ARID1B: variants seen among roughly 807,000 people sequenced by gnomAD.
ARID1B encodes AT-rich interaction domain 1B.
Under a neutral mutation model 212.3 loss-of-function variants are expected in ARID1B, and 30 were observed. The observed-to-expected ratio is 0.14, with a 90% CI of 0.11 to 0.19. The LOEUF (loss-of-function observed/expected upper bound fraction) is 0.19, where lower values mean the gene tolerates loss of function less well. Among genes scored for constraint, ARID1B ranks in the 10% least tolerant of loss-of-function variants. The pLI is 1.00. For missense variants in ARID1B, 2,891 were observed against 3,204.0 expected (o/e 0.90, Z 2.36); for synonymous variants, 1,402 against 1,301.7 (o/e 1.08, Z -1.66).
chr6:156,813,333 C>T (rs535520455), intron 1 of ARID1B, among the ~76,000 whole-genome samples: 3 of 150,202 alleles, frequency 2.0e-5, no homozygotes, highest in East Asian at 2.0e-4. Context: ...AGGCTGGTCT[C>T]GAACTCCTGA....
At chr6:157,124,666 A>G (rs1329584252) in intron 6 of ARID1B, among the ~76,000 whole-genome samples, 1 of 152,218 alleles carries the variant, frequency 6.6e-6, no homozygotes, top group Admixed American at 6.5e-5. Flanking sequence ...ACTGTACATA[A>G]TAAGGGTCAA....
At position 157,195,970 on chromosome 6, in the gene ARID1B, A is replaced by T. The variant is rs576812087; in HGVS notation, c.4232-195A>T. ...CAGCTACTTGGGAGGGTGACGCAGG[A>T]GAATCGCCTGAACCCGGGAGGCAGA... On this transcript the variant is annotated intron_variant, in intron 15 of 19. Coordinates refer to ENST00000636930, the MANE Select transcript of ARID1B (RefSeq NM_001374828.1). 20 of 542,438 alleles carry T rather than the reference A, an allele frequency of 3.7e-5. 1 individual carries two copies. Among genetic ancestry groups the T allele is most frequent in the South Asian group, 3.1e-4 (13 of 41,752 alleles). The allele number at this position is 542,438 out of a possible 1,614,324, so 33.6% of individuals were successfully genotyped here. A position where few individuals can be genotyped will look rare whatever the true frequency, so the allele number is the denominator to read the frequency against.
chr6:157,043,790 C>T (rs1156235645), intron 4 of ARID1B, among the ~76,000 whole-genome samples: 2 of 152,184 alleles, frequency 1.3e-5, no homozygotes, highest in African/African-American at 4.8e-5. Context: ...AAGATATATT[C>T]ATTGTTAATG....
At chr6:156,973,551 T>C (rs1037246886) in intron 4 of ARID1B, among the ~76,000 whole-genome samples, 13 of 152,250 alleles carry the variant, frequency 8.5e-5, no homozygotes. Flanking sequence ...GGTTATTGGT[T>C]TAAACAGAAC....
At chr6:157,009,096 G>A (rs189775903) in intron 4 of ARID1B, among the ~76,000 whole-genome samples, 17 of 152,284 alleles carry the variant, frequency 1.1e-4, no homozygotes, top group Admixed American at 5.2e-4. Flanking sequence ...TCTTCATATA[G>A]GGTTTAGGAG....
At chr6:157,067,040 C>G (rs941611246) in intron 4 of ARID1B, among the ~76,000 whole-genome samples, 1 of 152,134 alleles carries the variant, frequency 6.6e-6, no homozygotes, top group Non-Finnish European at 1.5e-5. Flanking sequence ...GCAGTTGTCT[C>G]TACTTACTGA....
At chr6:157,066,429 CAATT>C (rs1331478891) in intron 4 of ARID1B, among the ~76,000 whole-genome samples, 17 of 152,166 alleles carry the variant, frequency 1.1e-4, no homozygotes, top group Admixed American at 2.0e-4. Flanking sequence ...GGTCTCCTGA[CAATT>C]AAATATAAAA....
chr6:157,126,478 A>G (rs1367421500), intron 6 of ARID1B, among the ~76,000 whole-genome samples: 1 of 152,054 alleles, frequency 6.6e-6, no homozygotes, highest in Non-Finnish European at 1.5e-5. Flanking sequence ...TCTGGTTTTA[A>G]CATCAGAAGG....
At chr6:157,108,851 T>G (rs1427834875) in intron 5 of ARID1B, among the ~76,000 whole-genome samples, 1 of 152,212 alleles carries the variant, frequency 6.6e-6, no homozygotes, top group Non-Finnish European at 1.5e-5. Flanking sequence ...GGTGACACAG[T>G]GCATATTTCT....
chr6:156,922,400 T>C (rs1206227206), intron 3 of ARID1B, among the ~76,000 whole-genome samples: 1 of 152,158 alleles, frequency 6.6e-6, no homozygotes, highest in Non-Finnish European at 1.5e-5. Flanking sequence ...CTCGAACTCC[T>C]GACCTTAAGT....
chr6:157,039,901 T>TCCTTCCTTCCTC (rs1781755194), intron 4 of ARID1B, among the ~76,000 whole-genome samples: 1 of 144,954 alleles, frequency 6.9e-6, no homozygotes, highest in African/African-American at 2.6e-5. Context: ...CTTCCTTCCT[T>TCCTTCCTTCCTC]CCTTCCTTCC....
At chr6:157,199,599 ATAAT>A (rs1793962784) in intron 17 of ARID1B, among the ~76,000 whole-genome samples, 1 of 149,342 alleles carries the variant, frequency 6.7e-6, no homozygotes, top group Admixed American at 6.7e-5. Flanking sequence ...TATAATTATA[ATAAT>A]TATATATAAT....
intron 4 of ARID1B, among the ~76,000 whole-genome samples, chr6:157,007,017 T>C (rs1779288269): frequency 6.6e-6 from 1 of 152,248 alleles, no homozygotes; most frequent in Non-Finnish European, 1.5e-5. Flanking sequence ...CCTTTAACTT[T>C]GTAATTCTGC....
At chr6:156,944,736 T>C (rs917936255) in intron 4 of ARID1B, among the ~76,000 whole-genome samples, 3 of 152,176 alleles carry the variant, frequency 2.0e-5, no homozygotes, top group Admixed American at 6.5e-5. Flanking sequence ...AGGTTTACAT[T>C]TGTTATACTA....
Position 156,778,292 on chromosome 6 carries a change from A to AGCAGCAG in ARID1B, c.612_613insGCAGCAG (p.Gln205AlafsTer112), listed in dbSNP as rs1554247377. 47 of 1,518,256 alleles carry AGCAGCAG rather than the reference A, an allele frequency of 3.1e-5. No homozygotes were observed. Among genetic ancestry groups the AGCAGCAG allele is most frequent in the South Asian group, 1.7e-4 (14 of 83,294 alleles). 94.0% of individuals were successfully genotyped at this position (1,518,256 alleles called of 1,614,324 possible). A position where few individuals can be genotyped will look rare whatever the true frequency, so the allele number is the denominator to read the frequency against. Reference sequence around the variant, plus strand: ...TCCAGCAGCAGCAGCAGCAGCAGCAACAGCAGCAGCAGCAGCAGCAGCAAC... The same window carrying AGCAGCAG: ...TCCAGCAGCAGCAGCAGCAGCAGCAAGCAGCAGCAGCAGCAGCAGCAGCAGCAGCAAC... On this transcript the variant is annotated frameshift_variant, in exon 1 of 20. Coordinates refer to ENST00000636930, the MANE Select transcript of ARID1B (RefSeq NM_001374828.1). LOFTEE classifies it high-confidence loss of function.
chr6:156,950,597 G>T (rs1292085092), intron 4 of ARID1B, among the ~76,000 whole-genome samples: 1 of 120,582 alleles, frequency 8.3e-6, no homozygotes, highest in Non-Finnish European at 1.6e-5. Context: ...GGGCCAGGTG[G>T]TATTTTGCGG....
At chr6:156,886,511 G>T (rs984787305) in intron 2 of ARID1B, among the ~76,000 whole-genome samples, 2 of 152,180 alleles carry the variant, frequency 1.3e-5, no homozygotes, top group African/African-American at 4.8e-5. Flanking sequence ...CTGGGACACA[G>T]CATGACCTCC....
intron 1 of ARID1B, among the ~76,000 whole-genome samples, chr6:156,820,975 A>G (rs1398285443): frequency 1.3e-5 from 2 of 152,216 alleles, no homozygotes; most frequent in African/African-American, 4.8e-5. Context: ...AGTGAGTCCA[A>G]GGCTCTGTCT....
intron 6 of ARID1B, among the ~76,000 whole-genome samples, chr6:157,126,322 A>T (rs1270248585): frequency 6.6e-6 from 1 of 152,192 alleles, no homozygotes; most frequent in East Asian, 1.9e-4. Context: ...GGACCCACAC[A>T]GCGAATGGGA....
Sources: allele counts gnomAD v4.1 joint callset (sites outside exome capture counted in the v4.1 genomes callset), GRCh38; gene constraint gnomAD v4.1.1; transcripts MANE v1.5; gene names NCBI Gene and HGNC (gene_info 2026-07-23, HGNC 2026-07-21).